AVEN: variants seen among roughly 807,000 people sequenced by gnomAD.
AVEN encodes the protein apoptosis and caspase activation inhibitor.
In AVEN, 41 loss-of-function variants were observed where a neutral mutation model predicts 38.1. The ratio of observed to expected loss-of-function variants is 1.08; its 90% CI spans 0.84 to 1.40. The LOEUF (loss-of-function observed/expected upper bound fraction) is 1.40. Ranked by LOEUF, AVEN falls within the 40% of genes most tolerant of loss-of-function variation. The pLI, the probability that AVEN is intolerant of heterozygous loss-of-function variation, is 0.00. For missense variants in AVEN, 605 were observed against 438.8 expected, an observed-to-expected ratio of 1.38 and a Z score of -3.38; for synonymous variants, 206 against 171.8, an observed-to-expected ratio of 1.20 and a Z score of -1.56.
intron 2 of AVEN, among the ~76,000 whole-genome samples, chr15:33,905,130 CAAAAAAAAAAA>C (rs71117197): frequency 8.2e-6 from 1 of 121,288 alleles, no homozygotes; most frequent in Non-Finnish European, 1.7e-5. Flanking sequence ...ACTCCGTCTC[CAAAAAAAAAAA>C]AAAAAAAAAA....
At chr15:33,967,635 C>T (rs577999744) in intron 2 of AVEN, among the ~76,000 whole-genome samples, 2 of 151,604 alleles carry the variant, frequency 1.3e-5, no homozygotes, top group South Asian at 4.2e-4. Flanking sequence ...ATTATATTGT[C>T]TAGATACACT....
At chr15:34,025,128 C>G (rs1373838799) in intron 1 of AVEN, among the ~76,000 whole-genome samples, 5 of 152,014 alleles carry the variant, frequency 3.3e-5, no homozygotes, top group Non-Finnish European at 7.4e-5. Context: ...AGAGATCGCA[C>G]CACTGCACTC....
chr15:34,021,379 G>A (rs1196144906), intron 1 of AVEN, among the ~76,000 whole-genome samples: 6 of 151,402 alleles, frequency 4.0e-5, no homozygotes, highest in Non-Finnish European at 7.4e-5. Flanking sequence ...TCTGCCTCCC[G>A]GGTTCAAGTG....
intron 2 of AVEN, among the ~76,000 whole-genome samples, chr15:33,939,588 C>T (rs1452394171): frequency 6.6e-6 from 1 of 152,208 alleles, no homozygotes; most frequent in Non-Finnish European, 1.5e-5. Context: ...GGATTCTAAT[C>T]TAAACCCTGC....
chr15:33,962,613 C>A (rs1351187465), intron 2 of AVEN, among the ~76,000 whole-genome samples: 2 of 152,156 alleles, frequency 1.3e-5, no homozygotes, highest in African/African-American at 4.8e-5. Flanking sequence ...AATTTTTTAA[C>A]ATGCCACATC....
At chr15:33,963,450 G>T (rs1895274508) in intron 2 of AVEN, among the ~76,000 whole-genome samples, 3 of 152,170 alleles carry the variant, frequency 2.0e-5, no homozygotes, top group Admixed American at 2.0e-4. Flanking sequence ...TGTATGAAGT[G>T]CTTCCCTAAA....
rs553947340 is a variant in AVEN at position 34,029,401 on chromosome 15, C to T, written c.267+9379G>A. Among the ~76,000 whole-genome samples, 3 of 151,840 alleles carry T rather than the reference C, an allele frequency of 2.0e-5. No individual in the cohort carries two copies. In the South Asian group the frequency reaches 6.2e-4, roughly 32 times the overall value. On this transcript the variant is annotated intron_variant, in intron 1 of 5. Coordinates refer to ENST00000306730, the MANE Select transcript of AVEN (RefSeq NM_020371.3). ...GAGGGGGAAAAAAAAGTTTTAGGAA[C>T]CGGGCAAGGTGGCTCATGCCTGTAA...
Position 33,866,510 on chromosome 15 carries a change from C to T in AVEN, c.*103G>A. 2.5e-6 allele frequency: 2 copies of T among 790,598 alleles called. No homozygotes were observed. Among genetic ancestry groups the T allele is most frequent in the South Asian group, 1.7e-5 (1 of 59,982 alleles). 49.0% of individuals were successfully genotyped at this position (790,598 alleles called of 1,614,324 possible). On this transcript the variant is annotated 3_prime_UTR_variant, in exon 6 of 6. Coordinates refer to ENST00000306730, the MANE Select transcript of AVEN (RefSeq NM_020371.3). ...CTGTGAGCATAATGGAACACACTAG[C>T]TTGAGACATGCTTGTAAACTGGCTG...
intron 2 of AVEN, among the ~76,000 whole-genome samples, chr15:33,918,360 T>G (rs1344289093): frequency 6.6e-6 from 1 of 151,950 alleles, no homozygotes; most frequent in Non-Finnish European, 1.5e-5. Flanking sequence ...CATAGTTTTC[T>G]AAATCTTGCT....
intron 1 of AVEN, among the ~76,000 whole-genome samples, 180 bp downstream of exon 1, chr15:34,038,600 G>C (rs1165353659): frequency 7.6e-6 from 1 of 132,196 alleles, no homozygotes; most frequent in Non-Finnish European, 1.6e-5. Context: ...CGCATACCCA[G>C]GCGCGCCCCC....
intron 2 of AVEN, among the ~76,000 whole-genome samples, chr15:33,934,466 C>G (rs1893986370): frequency 6.6e-6 from 1 of 152,214 alleles, no homozygotes; most frequent in African/African-American, 2.4e-5. Flanking sequence ...AAAGTGTTAT[C>G]TATTTCCAAG....
At chr15:33,895,514 T>C (rs1265788850) in intron 2 of AVEN, among the ~76,000 whole-genome samples, 3 of 151,880 alleles carry the variant, frequency 2.0e-5, no homozygotes, top group Non-Finnish European at 1.5e-5. Context: ...TTTGAAGAGA[T>C]GAGGTCTCCC....
chr15:33,865,186 G>C (rs1372749102), downstream of AVEN: 1 of 1,613,752 alleles, frequency 6.2e-7, no homozygotes, highest in African/African-American at 1.3e-5. Flanking sequence ...TTCCCAGCCG[G>C]TGACTGCTTT....
intron 1 of AVEN, among the ~76,000 whole-genome samples, chr15:34,034,673 T>C (rs1193099383): frequency 2.0e-5 from 3 of 152,136 alleles, no homozygotes; most frequent in Admixed American, 1.3e-4. Flanking sequence ...ATTGAAAATA[T>C]GTAAGTGAAA....
chr15:33,868,544 CA>C (rs35851228), intron 4 of AVEN, among the ~76,000 whole-genome samples: 6,244 of 65,812 alleles, frequency 0.095, 145 homozygotes, highest in East Asian at 0.38. Flanking sequence ...GACTCCGTCT[CA>C]AAAAAAAAAA....
intron 2 of AVEN, among the ~76,000 whole-genome samples, chr15:33,984,270 C>G (rs185648580): frequency 2.0e-5 from 3 of 152,130 alleles, no homozygotes; most frequent in Non-Finnish European, 2.9e-5. Context: ...TCTGAAAAAT[C>G]TAAAAAGTAT....
chr15:34,002,907 T>C (rs1897192075), intron 2 of AVEN, 125 bp downstream of exon 2: 1 of 936,932 alleles, frequency 1.1e-6, no homozygotes, highest in Non-Finnish European at 1.6e-6. Flanking sequence ...GTCCTTTACT[T>C]GAATTAAAAA....
chr15:33,975,066 C>A (rs1011599359), intron 2 of AVEN, among the ~76,000 whole-genome samples: 1 of 152,156 alleles, frequency 6.6e-6, no homozygotes, highest in African/African-American at 2.4e-5. Context: ...GATAAAATAT[C>A]AAGATATAAG....
At chr15:34,056,842 G>A (rs550584063) in intron 5 of AVEN, among the ~76,000 whole-genome samples, 38 of 152,252 alleles carry the variant, frequency 2.5e-4, no homozygotes, top group African/African-American at 9.1e-4. Flanking sequence ...GCCAGCCTGA[G>A]CAACATAGCG....
Sources: gnomAD v4.1 joint callset for allele counts (sites outside exome capture counted in the v4.1 genomes callset) on GRCh38, gnomAD v4.1.1 for gene constraint, MANE v1.5 for transcripts, NCBI Gene and HGNC (gene_info 2026-07-23, HGNC 2026-07-21) for gene names.